Variants in CD163L1 observed in about 807,000 individuals in gnomAD.
CD163L1 encodes the protein CD163 molecule like 1.
In CD163L1, 124 loss-of-function variants were observed where a neutral mutation model predicts 165.4. That is an observed-to-expected ratio of 0.75 (90% CI 0.65 to 0.87). The LOEUF (loss-of-function observed/expected upper bound fraction) is 0.87, where lower values mean the gene tolerates loss of function less well. CD163L1 is among the 40% of genes least tolerant of loss of function. The probability of loss-of-function intolerance (pLI) is 0.00; values close to 1 mark genes in which losing one functional copy is unlikely to be tolerated. For synonymous variants in CD163L1, 585 were observed against 662.2 expected (o/e 0.88, Z 1.79); for missense variants, 1,525 against 1,799.9 (o/e 0.85, Z 2.76).
At chr12:7,394,764 C>T (rs1290628075) in intron 8 of CD163L1, among the ~76,000 whole-genome samples, 1 of 151,952 alleles carries the variant, frequency 6.6e-6, no homozygotes, top group Non-Finnish European at 1.5e-5. Context: ...ACAAACAACC[C>T]CATCAAAAAG....
intron 4 of CD163L1, among the ~76,000 whole-genome samples, chr12:7,416,394 T>C (rs1948241437): frequency 6.6e-6 from 1 of 152,232 alleles, no homozygotes; most frequent in South Asian, 2.1e-4. Flanking sequence ...GATAGTTTTC[T>C]TTTGCTGTGC....
At position 7,396,292 on chromosome 12, in the gene CD163L1, G is replaced by T. The variant is rs138542152; in HGVS notation, c.1853C>A (p.Ala618Asp). The T allele has an allele frequency of 3.0e-4, 481 of 1,614,046 alleles. No homozygotes were observed. The highest frequency in any genetic ancestry group is 3.9e-4 in the Non-Finnish European group (458 of 1,180,038). Residue 618 changes from alanine (A) to aspartate (D), a missense_variant, in exon 8 of 20, where the codon GCT (alanine) becomes GAT (aspartate). Physicochemically the swap from Ala to Asp is moderately radical, Grantham distance 126. Transcript: ENST00000313599. ...GCAGTCCAGCTGGCTACACACCACAGCTGCAGCTTTACTGTTCCAGCCGTC... is the reference window on the plus strand; with the variant it reads ...GCAGTCCAGCTGGCTACACACCACATCTGCAGCTTTACTGTTCCAGCCGTC... ...CDDGWNSKAAAVVCSQLDCPS... is the reference protein window; with the variant it reads ...CDDGWNSKAADVVCSQLDCPS...
intron 18 of CD163L1, among the ~76,000 whole-genome samples, chr12:7,364,246 T>C (rs1946965311): frequency 6.6e-6 from 1 of 152,138 alleles, no homozygotes; most frequent in African/African-American, 2.4e-5. Flanking sequence ...CATCGTTTTA[T>C]AATGAAAAGC....
intron 8 of CD163L1, among the ~76,000 whole-genome samples, chr12:7,389,946 T>TTATATATA (rs1333218511): frequency 7.9e-6 from 1 of 126,836 alleles, no homozygotes; most frequent in Non-Finnish European, 1.6e-5. Context: ...ATTAAACATT[T>TTATATATA]TATATATATA....
chr12:7,373,964 C>A (rs1947198766), intron 13 of CD163L1, among the ~76,000 whole-genome samples: 1 of 152,126 alleles, frequency 6.6e-6, no homozygotes, highest in African/African-American at 2.4e-5. Context: ...GCAGGGGTGT[C>A]CAAGGGAGAG....
chr12:7,329,232 C>T, the CD163L1 span, among the ~76,000 whole-genome samples: 1 of 147,440 alleles, frequency 6.8e-6, no homozygotes, highest in Non-Finnish European at 1.5e-5. Flanking sequence ...AGAAAAAGTA[C>T]AGAATACCAA....
the CD163L1 span, among the ~76,000 whole-genome samples, chr12:7,319,994 T>C: frequency 6.6e-6 from 1 of 152,226 alleles, no homozygotes; most frequent in Admixed American, 6.5e-5. Context: ...GTAGAAATGC[T>C]TACTTACCGA....
intron 4 of CD163L1, among the ~76,000 whole-genome samples, chr12:7,420,511 GA>G (rs995399582): frequency 2.7e-5 from 4 of 150,556 alleles, no homozygotes; most frequent in African/African-American, 7.3e-5. Flanking sequence ...AAATTAGCAA[GA>G]AAAAAAACAA....
Position 7,368,787 on chromosome 12 carries a change from G to A in CD163L1, c.4072+146C>T. 2 of 817,818 alleles carry A rather than the reference G, an allele frequency of 2.4e-6. No individual in the cohort carries two copies. Among genetic ancestry groups the A allele is most frequent in the Non-Finnish European group, 4.1e-6 (2 of 487,550 alleles). 50.7% of individuals were successfully genotyped at this position (817,818 alleles called of 1,614,324 possible). A position where few individuals can be genotyped will look rare whatever the true frequency, so the allele number is the denominator to read the frequency against. The stretch of plus-strand genomic sequence containing the variant: ...GACTGCATAGCAAAGCAGTCACAGA[G>A]CTATTGATACCACTGGCTGCGACCC... On this transcript the variant is annotated intron_variant, in intron 16 of 19. Transcript: ENST00000313599. The surrounding 1 kb of genome is among the most constrained non-coding windows in gnomAD (Gnocchi z 4.3).
At chr12:7,440,046 C>G (rs1948799665) in intron 2 of CD163L1, 2 of 1,243,230 alleles carry the variant, frequency 1.6e-6, no homozygotes, top group Admixed American at 2.0e-5. Flanking sequence ...CCCAGCAGCT[C>G]CTCGCGTTCC....
the CD163L1 span, among the ~76,000 whole-genome samples, chr12:7,319,876 A>G: frequency 2.1e-4 from 32 of 152,208 alleles, no homozygotes; most frequent in Non-Finnish European, 4.3e-4. Flanking sequence ...TACAAAAATC[A>G]TGTGTGTATT....
intron 4 of CD163L1, among the ~76,000 whole-genome samples, chr12:7,411,274 T>G (rs1437716201): frequency 2.0e-5 from 3 of 152,212 alleles, no homozygotes. Context: ...TTTTTAAAAT[T>G]TCCATTTGTT....
At chr12:7,340,547 G>A in the CD163L1 span, among the ~76,000 whole-genome samples, 1 of 152,250 alleles carries the variant, frequency 6.6e-6, no homozygotes, top group South Asian at 2.1e-4. Context: ...TTGTACAAAT[G>A]TCTTTAATTC....
At chr12:7,384,101 A>G (rs901925507) in intron 8 of CD163L1, among the ~76,000 whole-genome samples, 1 of 152,162 alleles carries the variant, frequency 6.6e-6, no homozygotes, top group African/African-American at 2.4e-5. Context: ...TTAATGAGAA[A>G]TTCAACAAAG....
At chr12:7,364,005 A>G (rs903382558) in intron 18 of CD163L1, among the ~76,000 whole-genome samples, 2 of 152,196 alleles carry the variant, frequency 1.3e-5, no homozygotes, top group Non-Finnish European at 2.9e-5. Context: ...CTCCAGGCCA[A>G]TGTCACTGAT....
intron 4 of CD163L1, among the ~76,000 whole-genome samples, chr12:7,421,013 G>GTATATATATATATA: frequency 1.1e-5 from 1 of 94,636 alleles, no homozygotes; most frequent in Non-Finnish European, 2.0e-5. Flanking sequence ...ATATATACGT[G>GTATATATATATATA]TATATATATA....
intron 8 of CD163L1, among the ~76,000 whole-genome samples, chr12:7,394,411 T>C (rs1947729932): frequency 6.6e-6 from 1 of 152,142 alleles, no homozygotes. Flanking sequence ...TGAAACTGGA[T>C]CCCTTCCTTA....
intron 5 of CD163L1, among the ~76,000 whole-genome samples, 184 bp from the exon 6 acceptor site, chr12:7,404,039 A>G (rs1020889638): frequency 6.6e-6 from 1 of 151,986 alleles, no homozygotes; most frequent in Non-Finnish European, 1.5e-5. Flanking sequence ...AAGATTTTAA[A>G]GATTGAAATT....
intron 5 of CD163L1, 33 bp downstream of exon 5, chr12:7,406,499 T>G (rs1948016621): frequency 6.3e-7 from 1 of 1,587,950 alleles, no homozygotes; most frequent in East Asian, 2.2e-5. Flanking sequence ...AAAGAAATTT[T>G]ATCTGATGTA....
Sources: allele counts gnomAD v4.1 joint callset (sites outside exome capture counted in the v4.1 genomes callset), GRCh38; gene constraint gnomAD v4.1.1; non-coding constraint Gnocchi (gnomAD v3.1); transcripts MANE v1.5; gene names NCBI Gene and HGNC (gene_info 2026-07-23, HGNC 2026-07-21).